Variants in FNDC3B observed in about 807,000 individuals in gnomAD.
FNDC3B encodes fibronectin type III domain containing 3B.
Under a neutral mutation model 151.5 loss-of-function variants are expected in FNDC3B, and 12 were observed. The ratio of observed to expected loss-of-function variants is 0.08; its 90% CI spans 0.05 to 0.13. The LOEUF is 0.13. FNDC3B is among the 10% of genes least tolerant of loss of function. The probability of loss-of-function intolerance (pLI) is 1.00; values close to 1 mark genes in which losing one functional copy is unlikely to be tolerated. For synonymous variants in FNDC3B, 528 were observed against 549.0 expected, an observed-to-expected ratio of 0.96 and a Z score of 0.54; for missense variants, 1,214 against 1,505.3, an observed-to-expected ratio of 0.81 and a Z score of 3.20.
intron 1 of FNDC3B, among the ~76,000 whole-genome samples, chr3:172,096,052 G>A (rs529497364): frequency 1.3e-5 from 2 of 152,118 alleles, no homozygotes; most frequent in Non-Finnish European, 2.9e-5. Context: ...AAGCCACATC[G>A]TACATATTGC....
intron 8 of FNDC3B, among the ~76,000 whole-genome samples, chr3:172,298,392 A>G (rs1262800853): frequency 6.6e-6 from 1 of 152,182 alleles, no homozygotes; most frequent in Non-Finnish European, 1.5e-5. Flanking sequence ...AACAGCTGGT[A>G]TGATCATTTT....
intron 25 of FNDC3B, among the ~76,000 whole-genome samples, chr3:172,395,462 A>G (rs1318691211): frequency 1.3e-5 from 2 of 152,244 alleles, no homozygotes; most frequent in Non-Finnish European, 2.9e-5. Flanking sequence ...TGTAACAGTA[A>G]GCCTCTTGAT....
Position 172,247,546 on chromosome 3 carries a change from G to A in FNDC3B, c.278G>A (p.Ser93Asn). ...GTTTTTCTTTAGGTGATTGAAGATA[G>A]TACTGGAGTCCGCCGGGTGGTGGTC... Reference protein sequence around the residue: ...PGYISQVIEDSTGVRRVVVTP... With the variant: ...PGYISQVIEDNTGVRRVVVTP... Residue 93 changes from serine to asparagine, a missense_variant, in exon 5 of 26, where the codon AGT becomes AAT. By Grantham distance (46) the Ser-to-Asn change is conservative (BLOSUM62 1). This residue lies in a region of FNDC3B where 113 missense variants were observed against 177.8 expected (regional missense o/e 0.64). Transcript: ENST00000415807. 1 of 1,614,008 alleles carries A rather than the reference G, an allele frequency of 6.2e-7. No individual in the cohort carries two copies.
intron 11 of FNDC3B, among the ~76,000 whole-genome samples, chr3:172,323,914 TA>T (rs1732215454): frequency 6.6e-6 from 1 of 152,188 alleles, no homozygotes; most frequent in East Asian, 1.9e-4. Context: ...ATAGAGTATG[TA>T]GTATTCTAAG....
intron 22 of FNDC3B, among the ~76,000 whole-genome samples, chr3:172,355,891 G>T (rs964851482): frequency 3.9e-5 from 6 of 152,164 alleles, no homozygotes; most frequent in Non-Finnish European, 8.8e-5. Context: ...TGGTTGGCTG[G>T]CTCAGAGCAG....
intron 3 of FNDC3B, among the ~76,000 whole-genome samples, chr3:172,212,174 T>C (rs1725763482): frequency 6.6e-6 from 1 of 152,236 alleles, no homozygotes. Flanking sequence ...AGCCAAATTA[T>C]AGTCATCTTT....
chr3:172,055,794 T>C (rs951344019), intron 1 of FNDC3B, among the ~76,000 whole-genome samples: 1 of 151,988 alleles, frequency 6.6e-6, no homozygotes, highest in African/African-American at 2.4e-5. Flanking sequence ...TTTCTTTTTT[T>C]TTTTTAGACG....
chr3:172,316,065 C>T (rs577767684), intron 11 of FNDC3B, among the ~76,000 whole-genome samples: 60 of 137,066 alleles, frequency 4.4e-4, no homozygotes, highest in African/African-American at 1.2e-3. Flanking sequence ...TGGAGTGCAA[C>T]GGCACAATCT....
At chr3:172,119,168 T>C (rs1423035358) in intron 2 of FNDC3B, among the ~76,000 whole-genome samples, 1 of 121,244 alleles carries the variant, frequency 8.2e-6, no homozygotes, top group Non-Finnish European at 1.6e-5. Context: ...AGACTCTGCC[T>C]TAAAAAAAAA....
rs149484904 is a variant in FNDC3B, at chr3:172,285,170, G to A, written c.791-756G>A. On this transcript the variant is annotated intron_variant, in intron 6 of 25. Coordinates refer to ENST00000415807, the MANE Select transcript of FNDC3B (RefSeq NM_022763.4). ...AAGCCGAAAACTAGGAATTAGCCTT[G>A]GTGTGTCACGTTTCCTCACCCTTAC... is the stretch of plus-strand genomic sequence containing the variant. Among the ~76,000 whole-genome samples, 42 of 152,140 alleles carry A rather than the reference G, an allele frequency of 2.8e-4. No homozygotes were observed. The East Asian group carries it at 4.8e-3, about 18-fold the overall frequency.
chr3:172,230,555 T>C (rs957487694), intron 4 of FNDC3B, among the ~76,000 whole-genome samples: 1 of 148,880 alleles, frequency 6.7e-6, no homozygotes, highest in African/African-American at 2.5e-5. Flanking sequence ...ATTCACAAAA[T>C]GGGAGAAAAT....
At chr3:172,046,542 C>G (rs1449202545) in intron 1 of FNDC3B, among the ~76,000 whole-genome samples, 4 of 151,768 alleles carry the variant, frequency 2.6e-5, no homozygotes, top group African/African-American at 7.3e-5. Flanking sequence ...AGGCTGGTCT[C>G]TAACTTCTGG....
intron 8 of FNDC3B, among the ~76,000 whole-genome samples, chr3:172,297,292 A>G (rs1730663443): frequency 6.6e-6 from 1 of 152,228 alleles, no homozygotes. Flanking sequence ...TCCAGTTTTC[A>G]ACTTAAAACC....
chr3:172,352,926 G>T lies in FNDC3B; in HGVS notation c.2638G>T (p.Asp880Tyr). 6.2e-7 allele frequency: 1 copy of T among 1,614,192 alleles called. No individual in the cohort carries two copies. The highest frequency in any genetic ancestry group is 1.1e-5 in the South Asian group (1 of 91,084). ...GGAGGAGCCCCTTGATGCCTACCCT[G>T]ATTCACCTTCTGCGTGCCTTGTACT... ...LEEEPLDAYP[D>Y]SPSACLVLNW... Residue 880 changes from aspartate to tyrosine, a missense_variant, in exon 22 of 26, where the codon GAT (aspartate) becomes TAT (tyrosine). By Grantham distance (160) the Asp-to-Tyr change is radical (BLOSUM62 -3). Transcript: ENST00000415807. The surrounding 1 kb of genome is among the most constrained non-coding windows in gnomAD (Gnocchi z 4.2).
chr3:172,243,922 A>T (rs1203448339), intron 4 of FNDC3B, among the ~76,000 whole-genome samples: 1 of 152,198 alleles, frequency 6.6e-6, no homozygotes, highest in Non-Finnish European at 1.5e-5. Context: ...CGGCATAATG[A>T]TCTTTTCCAA....
At chr3:172,039,941 GCC>G (rs147939564) in intron 1 of FNDC3B, among the ~76,000 whole-genome samples, 170 bp downstream of exon 1, 2,429 of 152,308 alleles carry the variant, frequency 0.016, 56 homozygotes, top group African/African-American at 0.054. Context: ...GTGCTGGGGC[GCC>G]CCGTGCTCGC....
intron 11 of FNDC3B, among the ~76,000 whole-genome samples, chr3:172,323,163 A>C (rs974744714): frequency 1.5e-4 from 23 of 152,212 alleles, no homozygotes; most frequent in Non-Finnish European, 2.8e-4. Context: ...AAGAAAAAAT[A>C]AAGATGTTCC....
At chr3:172,329,113 T>C (rs200417808) in intron 12 of FNDC3B, 37 bp downstream of exon 12, 2 of 1,581,496 alleles carry the variant, frequency 1.3e-6, no homozygotes, top group Non-Finnish European at 1.7e-6. Context: ...CTTCAGCCTT[T>C]GGATGGTGAT....
chr3:172,273,214 G>A (rs897504986), intron 6 of FNDC3B, among the ~76,000 whole-genome samples: 10 of 152,124 alleles, frequency 6.6e-5, no homozygotes, highest in African/African-American at 2.2e-4. Flanking sequence ...CGTTCAAAAT[G>A]TAGAAATATA....
Sources: allele counts gnomAD v4.1 joint callset (sites outside exome capture counted in the v4.1 genomes callset), GRCh38; gene constraint gnomAD v4.1.1; regional missense constraint gnomAD v4.1.1; non-coding constraint Gnocchi (gnomAD v3.1); transcripts MANE v1.5; gene names NCBI Gene and HGNC (gene_info 2026-07-23, HGNC 2026-07-21).